DPP8: variants seen among roughly 807,000 people sequenced by gnomAD.
DPP8 encodes the protein DPP VIII.
In DPP8, 31 loss-of-function variants were observed where a neutral mutation model predicts 107.5. The observed-to-expected ratio is 0.29, with a 90% CI of 0.22 to 0.39. The LOEUF (loss-of-function observed/expected upper bound fraction) is 0.39, where lower values mean the gene tolerates loss of function less well. Ranked by LOEUF, DPP8 falls within the 10% of genes least tolerant of loss-of-function variation. The pLI, the probability that DPP8 is intolerant of heterozygous loss-of-function variation, is 1.00. For missense variants in DPP8, 842 were observed against 1,076.1 expected (o/e 0.78, Z 3.04); for synonymous variants, 381 against 356.6 (o/e 1.07, Z -0.77).
chr15:65,448,870 A>ATATATATGTGTG (rs1567125150), intron 19 of DPP8, among the ~76,000 whole-genome samples: 5 of 6,360 alleles, frequency 7.9e-4, no homozygotes, highest in African/African-American at 3.0e-3. Flanking sequence ...TCTAAAATAT[A>ATATATATGTGTG]TATATATATA....
chr15:65,451,885 A>G, intron 18 of DPP8, 75 bp downstream of exon 18: 1 of 1,423,612 alleles, frequency 7.0e-7, no homozygotes, highest in Non-Finnish European at 9.3e-7. Flanking sequence ...TGATCATGCC[A>G]CTACACTCCA....
chr15:65,474,362 T>C, intron 11 of DPP8, 74 bp from the exon 12 acceptor site: 1 of 1,128,360 alleles, frequency 8.9e-7, no homozygotes, highest in Non-Finnish European at 1.3e-6. Flanking sequence ...AGAACAGTAC[T>C]CTAAGCTCTT....
intron 12 of DPP8, among the ~76,000 whole-genome samples, chr15:65,468,300 G>A (rs2065536362): frequency 6.6e-6 from 1 of 152,070 alleles, no homozygotes; most frequent in African/African-American, 2.4e-5. Flanking sequence ...TTTGAGACCA[G>A]TCTGGGCAAA....
In DPP8 at chr15:65,504,846, GGT is replaced by G. The variant is rs547940173; in HGVS notation, c.372+2395_372+2396del. Among the ~76,000 whole-genome samples the G allele has an allele frequency of 4.9e-4, 75 of 151,552 alleles. 1 individual carries two copies. The South Asian group carries it at 0.015, about 30-fold the overall frequency. On this transcript the variant is annotated intron_variant, in intron 3 of 19. Transcript: ENST00000300141. ...AACATTTAAAAGATTAGCTGGCAAT[GGT>G]GCCATATGCCTGTAGTCCCAGCTAC...
At chr15:65,469,875 G>A (rs2065706047) in intron 12 of DPP8, among the ~76,000 whole-genome samples, 1 of 151,486 alleles carries the variant, frequency 6.6e-6, no homozygotes, top group African/African-American at 2.4e-5. Flanking sequence ...AAGTCTTAAA[G>A]CTTTACCCAA....
chr15:65,446,849 C>A lies in DPP8; in HGVS notation c.*35G>T. The A allele has an allele frequency of 2.6e-6, 4 of 1,556,748 alleles. No individual in the cohort carries two copies. The highest frequency in any genetic ancestry group is 3.5e-6 in the Non-Finnish European group (4 of 1,153,402). On this transcript the variant is annotated 3_prime_UTR_variant, in exon 20 of 20. Transcript: ENST00000300141. Reference sequence around the variant, plus strand: ...TAAACCTCCTCATTTGGTTAAATAGCCAGTGTATACCAGAGAGTTCTACAC... The same window carrying A: ...TAAACCTCCTCATTTGGTTAAATAGACAGTGTATACCAGAGAGTTCTACAC...
intron 5 of DPP8, among the ~76,000 whole-genome samples, chr15:65,494,872 T>C (rs780730642): frequency 1.3e-5 from 2 of 152,114 alleles, no homozygotes; most frequent in Non-Finnish European, 2.9e-5. Context: ...CCATATAACT[T>C]GGATAACTGC....
Position 65,500,777 on chromosome 15 carries a change from T to C in DPP8, c.375A>G (p.Ala125=). 6.2e-7 allele frequency: 1 copy of C among 1,604,758 alleles called. No homozygotes were observed. ...SWKPLLDLFQ[A]TLDYGMYSRE... ...GAGAATACATTCCATAGTCCAGTGT[T>C]GCCTAATGTGAAAGGAAAGTCACCT... The change falls in exon 4 of 20, where the codon GCA becomes GCG. Residue 125 remains alanine (A), a splice_region_variant and synonymous_variant. Transcript: ENST00000300141.
At chr15:65,512,815 T>C in intron 1 of DPP8, 1 of 456,302 alleles carries the variant, frequency 2.2e-6, no homozygotes, top group African/African-American at 2.0e-5. Flanking sequence ...TGGTAGCTTT[T>C]ATAAAAGGCT....
chr15:65,491,395 T>A (rs2068018902), intron 5 of DPP8, among the ~76,000 whole-genome samples: 1 of 152,164 alleles, frequency 6.6e-6, no homozygotes, highest in African/African-American at 2.4e-5. Flanking sequence ...TGTTTATTTT[T>A]GAAAAATACA....
chr15:65,512,474 T>C lies in DPP8; in HGVS notation c.80A>G (p.Gln27Arg). ...AAAAGGCTCCAATTTAGGCCGATCC[T>C]GTGATTCAATATTCTCCTCACAGTC... ...TADCEENIES[Q>R]DRPKLEPFYV... Residue 27 changes from glutamine to arginine, a missense_variant, in exon 2 of 20, where the codon CAG becomes CGG. Around this residue, in one of 2 missense-constraint regions of DPP8, gnomAD observed 663 missense variants for 758.0 expected, o/e 0.87. Coordinates refer to ENST00000300141, the MANE Select transcript of DPP8 (RefSeq NM_130434.5). 6.2e-7 allele frequency: 1 copy of C among 1,614,226 alleles called. No homozygotes were observed. The highest frequency in any genetic ancestry group is 1.1e-5 in the South Asian group (1 of 91,086).
intron 15 of DPP8, among the ~76,000 whole-genome samples, chr15:65,461,890 C>T (rs1430974317): frequency 1.3e-5 from 2 of 151,528 alleles, no homozygotes; most frequent in Non-Finnish European, 2.9e-5. Context: ...TGAGCCATCG[C>T]GCACAGCCGA....
chr15:65,452,686 T>G (rs1005984461), intron 17 of DPP8, among the ~76,000 whole-genome samples: 1 of 151,936 alleles, frequency 6.6e-6, no homozygotes, highest in African/African-American at 2.4e-5. Flanking sequence ...AAATAAAAAT[T>G]AATGGTCAGG....
In DPP8 at chr15:65,451,997, C is replaced by G; in HGVS notation, c.2377G>C (p.Gly793Arg). Residue 793 changes from glycine (G) to arginine (R), a missense_variant, in exon 18 of 20, where the codon GGA becomes CGA. Physicochemically the swap from Gly to Arg is moderately radical, Grantham distance 125. Around this residue, in one of 2 missense-constraint regions of DPP8, gnomAD observed 179 missense variants for 318.0 expected, o/e 0.56. Coordinates refer to ENST00000300141, the MANE Select transcript of DPP8 (RefSeq NM_130434.5). The stretch of plus-strand genomic sequence containing the variant: ...TTTTCTGCTTGCATGGCCACAGATC[C>G]TAAGTAATAGCCCTGTTCATTCTGG... ...PDQNEQGYYL[G>R]SVAMQAEKFP... The G allele has an allele frequency of 6.2e-7, 1 of 1,610,834 alleles. No individual in the cohort carries two copies. The highest frequency in any genetic ancestry group is 1.3e-5 in the African/African-American group (1 of 74,586).
chr15:65,503,841 T>C (rs555949109), intron 3 of DPP8, among the ~76,000 whole-genome samples: 1 of 151,956 alleles, frequency 6.6e-6, no homozygotes, highest in Admixed American at 6.6e-5. Flanking sequence ...GCCAGAGTGG[T>C]CTTGAACTCC....
chr15:65,498,215 A>C (rs2068800957), intron 4 of DPP8, among the ~76,000 whole-genome samples, 183 bp from the exon 5 acceptor site: 1 of 152,178 alleles, frequency 6.6e-6, no homozygotes, highest in South Asian at 2.1e-4. Context: ...TGAAGTCAGG[A>C]GTTCGAGACC....
intron 12 of DPP8, among the ~76,000 whole-genome samples, chr15:65,469,266 C>T (rs902327339): frequency 2.0e-5 from 3 of 151,840 alleles, no homozygotes; most frequent in East Asian, 2.0e-4. Context: ...TGAGCCACTG[C>T]GCCCAGCCAA....
rs1041505480 is a variant in DPP8 at position 65,507,096 on chromosome 15, G to T, written c.372+147C>A. 11 of 447,024 alleles carry T rather than the reference G, an allele frequency of 2.5e-5. No individual in the cohort carries two copies. The Middle Eastern group carries it at 2.2e-3, about 91-fold the overall frequency. The allele number at this position is 447,024 out of a possible 1,614,324, so 27.7% of individuals were successfully genotyped here. A position where few individuals can be genotyped will look rare whatever the true frequency, so the allele number is the denominator to read the frequency against. On this transcript the variant is annotated intron_variant, in intron 3 of 19. Coordinates refer to ENST00000300141, the MANE Select transcript of DPP8 (RefSeq NM_130434.5). Reference sequence around the variant, plus strand: ...AGTTTCAGATATCAAGAATTAAATGGAATTTCAGGGTCATACATGCAAAAA... The same window carrying T: ...AGTTTCAGATATCAAGAATTAAATGTAATTTCAGGGTCATACATGCAAAAA...
chr15:65,452,145 G>C (rs759527962), intron 17 of DPP8, 43 bp from the exon 18 acceptor site: 54 of 1,576,718 alleles, frequency 3.4e-5, no homozygotes, highest in Non-Finnish European at 4.3e-5. Context: ...TCTGGAAAAA[G>C]AGAGTGGCTA....
Sources: allele counts gnomAD v4.1 joint callset (sites outside exome capture counted in the v4.1 genomes callset), GRCh38; gene constraint gnomAD v4.1.1; regional missense constraint gnomAD v4.1.1; transcripts MANE v1.5; gene names NCBI Gene and HGNC (gene_info 2026-07-23, HGNC 2026-07-21).